Variants in PRKCH observed in about 807,000 individuals in gnomAD.
PRKCH encodes the protein protein kinase C eta.
PRKCH carries 28 observed loss-of-function variants against 82.5 expected under a neutral mutation model. That is an observed-to-expected ratio of 0.34 (90% CI 0.25 to 0.47). The LOEUF (loss-of-function observed/expected upper bound fraction) is 0.47. Among genes scored for constraint, PRKCH ranks in the 20% least tolerant of loss-of-function variants. The pLI is 1.00. For missense variants in PRKCH, 705 were observed against 881.8 expected (o/e 0.80, Z 2.54); for synonymous variants, 322 against 327.4 (o/e 0.98, Z 0.18).
chr14:61,463,044 T>C (rs1885099380), intron 9 of PRKCH: 1 of 152,220 alleles, frequency 6.6e-6, no homozygotes, highest in African/African-American at 2.4e-5. Context: ...CCTGACAATA[T>C]GGAAATGGCA....
chr14:61,500,791 A>G (rs1444630733), intron 10 of PRKCH, among the ~76,000 whole-genome samples: 1 of 152,136 alleles, frequency 6.6e-6, no homozygotes, highest in African/African-American at 2.4e-5. Flanking sequence ...ATTACCAAAG[A>G]TGAAACATGG....
At chr14:61,239,017 TC>T (rs1254933463) in intron 1 of PRKCH, among the ~76,000 whole-genome samples, 1 of 152,160 alleles carries the variant, frequency 6.6e-6, no homozygotes, top group Non-Finnish European at 1.5e-5. Context: ...ACTGGAGTGT[TC>T]CAATTAGCAT....
intron 1 of PRKCH, among the ~76,000 whole-genome samples, chr14:61,323,662 T>A (rs2140119039): frequency 6.6e-6 from 1 of 152,372 alleles, no homozygotes; most frequent in African/African-American, 2.4e-5. Context: ...TATTCCTTTC[T>A]TTTAAATAGA....
chr14:61,301,833 C>T (rs951057504), intron 1 of PRKCH, among the ~76,000 whole-genome samples: 2 of 152,106 alleles, frequency 1.3e-5, no homozygotes, highest in Admixed American at 6.5e-5. Flanking sequence ...AGAATGAGAT[C>T]CTGTCTGAAA....
upstream of PRKCH, among the ~76,000 whole-genome samples, chr14:61,320,197 CAT>C (rs1276844461): frequency 1.3e-5 from 2 of 151,828 alleles, no homozygotes; most frequent in African/African-American, 2.4e-5. Flanking sequence ...GTCTCTAAAA[CAT>C]AAAAGAAAGA....
chr14:61,547,716 T>C (rs1566938901), intron 12 of PRKCH, 27 bp from the exon 13 acceptor site: 6 of 1,604,836 alleles, frequency 3.7e-6, no homozygotes, highest in Non-Finnish European at 5.1e-6. Flanking sequence ...GAATGAATGA[T>C]TGACACTTTC....
At chr14:61,243,256 G>C (rs2044855231) in intron 1 of PRKCH, among the ~76,000 whole-genome samples, 1 of 151,816 alleles carries the variant, frequency 6.6e-6, no homozygotes, top group Non-Finnish European at 1.5e-5. Flanking sequence ...AAATTCACCA[G>C]GTGTGGTTGT....
At chr14:61,544,464 G>C (rs943370128) in intron 12 of PRKCH, 3 of 152,226 alleles carry the variant, frequency 2.0e-5, no homozygotes, top group Admixed American at 6.5e-5. Context: ...GCTGGTATCA[G>C]TTCTAGTCTG....
intron 2 of PRKCH, among the ~76,000 whole-genome samples, chr14:61,439,433 G>A (rs1883844779): frequency 6.6e-6 from 1 of 152,198 alleles, no homozygotes; most frequent in Non-Finnish European, 1.5e-5. Context: ...GTGTGTGTAG[G>A]TGCATGAGTG....
intron 13 of PRKCH, among the ~76,000 whole-genome samples, chr14:61,548,727 G>A (rs2043290724): frequency 1.3e-5 from 2 of 152,036 alleles, no homozygotes; most frequent in Admixed American, 1.3e-4. Flanking sequence ...GCCTGGTGTG[G>A]TGATGCACAC....
At chr14:61,546,743 T>C (rs560754077) in intron 12 of PRKCH, among the ~76,000 whole-genome samples, 88 of 152,380 alleles carry the variant, frequency 5.8e-4, no homozygotes, top group African/African-American at 2.0e-3. Context: ...CATGAGTCTA[T>C]TTAAAGATAA....
At chr14:61,537,581 G>T (rs1088672) in intron 12 of PRKCH, 125,322 of 152,166 alleles carry the variant, frequency 0.82, 52,212 homozygotes, top group Non-Finnish European at 0.87. Context: ...GGAAGCTGAA[G>T]CCTTGTCTCA....
chr14:61,453,179 A>C (rs1169114596), intron 6 of PRKCH, 47 bp from the exon 7 acceptor site: 1 of 1,611,670 alleles, frequency 6.2e-7, no homozygotes, highest in East Asian at 2.2e-5. Flanking sequence ...GCACATGTTG[A>C]ATTGGTTCCT....
intron 1 of PRKCH, among the ~76,000 whole-genome samples, chr14:61,367,215 G>A (rs1456252368): frequency 1.3e-5 from 2 of 152,032 alleles, no homozygotes; most frequent in Non-Finnish European, 2.9e-5. Flanking sequence ...CACAGAGAAA[G>A]GGTAGAGTCA....
At chr14:61,418,099 GTT>G (rs1044854410) in intron 2 of PRKCH, among the ~76,000 whole-genome samples, 6 of 152,226 alleles carry the variant, frequency 3.9e-5, no homozygotes, top group Non-Finnish European at 8.8e-5. Flanking sequence ...GGTCTATCCT[GTT>G]CTGTGGCTGT....
intron 3 of PRKCH, among the ~76,000 whole-genome samples, 167 bp from the exon 4 acceptor site, chr14:61,445,525 G>A (rs993178853): frequency 1.3e-5 from 2 of 152,142 alleles, no homozygotes; most frequent in African/African-American, 4.8e-5. Flanking sequence ...GTTTTTTCTG[G>A]TGTCTCATAG....
At chr14:61,484,441 G>A (rs1162166463) in intron 9 of PRKCH, among the ~76,000 whole-genome samples, 3 of 151,912 alleles carry the variant, frequency 2.0e-5, no homozygotes, top group African/African-American at 7.3e-5. Flanking sequence ...AGGAAGGAGT[G>A]AGGAAACCCA....
chr14:61,280,394 C>A lies in PRKCH; in HGVS notation c.-19+92726C>A, dbSNP rs1314004810. The A allele has an allele frequency of 6.2e-7, 1 of 1,613,912 alleles. No individual in the cohort carries two copies. Among genetic ancestry groups the A allele is most frequent in the African/African-American group, 1.3e-5 (1 of 74,938 alleles). On this transcript the variant is annotated intron_variant, in intron 1 of 3. Transcript: ENST00000555185. This position sits in a 1 kb window ranked among gnomAD's most constrained non-coding sequence, Gnocchi z 5.0. ...GGCAGCGCCGCCGTGCGCATCCACA[C>A]CACGAAGTCCTGATTGATGAAGCCG...
At chr14:61,207,977 A>G (rs2044540598) in intron 1 of PRKCH, among the ~76,000 whole-genome samples, 2 of 152,232 alleles carry the variant, frequency 1.3e-5, no homozygotes, top group Non-Finnish European at 2.9e-5. Context: ...AAGAACAAGC[A>G]AATACCAAAT....
Sources: gnomAD v4.1 joint callset for allele counts (sites outside exome capture counted in the v4.1 genomes callset) on GRCh38, gnomAD v4.1.1 for gene constraint, Gnocchi (gnomAD v3.1) non-coding constraint, MANE v1.5 for transcripts, NCBI Gene and HGNC (gene_info 2026-07-23, HGNC 2026-07-21) for gene names.